WFDC11: variants seen among roughly 807,000 people sequenced by gnomAD.
The protein encoded by WFDC11 is WAP four-disulfide core domain 11, also known as protein WFDC11.
In WFDC11, 9 loss-of-function variants were observed where a neutral mutation model predicts 9.9. The observed-to-expected ratio is 0.91, with a 90% CI of 0.55 to 1.58. The LOEUF (loss-of-function observed/expected upper bound fraction) is 1.58, where lower values mean the gene tolerates loss of function less well. Ranked by LOEUF, WFDC11 falls within the 40% of genes most tolerant of loss-of-function variation. WFDC11 has a pLI of 0.00. For synonymous variants in WFDC11, 32 were observed against 33.3 expected, an observed-to-expected ratio of 0.96 and a Z score of 0.13; for missense variants, 106 against 101.7, an observed-to-expected ratio of 1.04 and a Z score of -0.18.
chr20:45,661,752 G>A (rs1255751185), intron 2 of WFDC11, among the ~76,000 whole-genome samples: 1 of 151,960 alleles, frequency 6.6e-6, no homozygotes, highest in Non-Finnish European at 1.5e-5. Flanking sequence ...ATTACTGAGG[G>A]CTCTGTTCTG....
intron 2 of WFDC11, among the ~76,000 whole-genome samples, chr20:45,659,000 A>G (rs1982996892): frequency 1.3e-5 from 2 of 152,082 alleles, no homozygotes; most frequent in Middle Eastern, 3.4e-3. Flanking sequence ...GCTGAGAATG[A>G]TGGTTTCCAG....
At chr20:45,670,079 C>A (rs1034146943) in intron 1 of WFDC11, 99 bp downstream of exon 1, 1 of 151,922 alleles carries the variant, frequency 6.6e-6, no homozygotes. Context: ...AATTGATAAC[C>A]TCTTGGAATC....
intron 2 of WFDC11, among the ~76,000 whole-genome samples, chr20:45,654,754 A>C (rs1378346367): frequency 5.3e-5 from 8 of 152,030 alleles, no homozygotes; most frequent in African/African-American, 1.4e-4. Context: ...GGGGATATCA[A>C]CACCGATCCC....
intron 2 of WFDC11, among the ~76,000 whole-genome samples, chr20:45,658,947 A>C (rs1982996041): frequency 7.0e-6 from 1 of 143,680 alleles, no homozygotes; most frequent in Non-Finnish European, 1.5e-5. Flanking sequence ...ACTTCCACTT[A>C]TGAGAACATG....
intron 2 of WFDC11, among the ~76,000 whole-genome samples, chr20:45,663,467 A>G (rs1455672651): frequency 6.6e-6 from 1 of 152,040 alleles, no homozygotes; most frequent in African/African-American, 2.4e-5. Context: ...GCCTTCTGCT[A>G]GCTTTTGAAT....
At chr20:45,657,493 T>G (rs1982960701) in intron 2 of WFDC11, among the ~76,000 whole-genome samples, 1 of 150,096 alleles carries the variant, frequency 6.7e-6, no homozygotes, top group African/African-American at 2.4e-5. Flanking sequence ...AAATGACGAG[T>G]TACTGGGTGC....
intron 2 of WFDC11, among the ~76,000 whole-genome samples, chr20:45,655,386 T>C (rs536498901): frequency 2.6e-5 from 4 of 152,320 alleles, no homozygotes; most frequent in African/African-American, 7.2e-5. Context: ...TCAACAACCC[T>C]TCATGCTAGA....
intron 2 of WFDC11, among the ~76,000 whole-genome samples, chr20:45,666,403 C>T (rs1983189383): frequency 6.6e-6 from 1 of 152,256 alleles, no homozygotes; most frequent in Non-Finnish European, 1.5e-5. Flanking sequence ...CCCCACCCTG[C>T]TTCCGCTCAC....
chr20:45,649,504 A>C, intron 3 of WFDC11, 105 bp from the exon 4 acceptor site: 1 of 1,400,954 alleles, frequency 7.1e-7, no homozygotes, highest in Non-Finnish European at 9.7e-7. Context: ...TCTGGGCCCC[A>C]AATTCCAACC....
intron 2 of WFDC11, among the ~76,000 whole-genome samples, chr20:45,657,716 T>C (rs948237500): frequency 1.3e-5 from 2 of 152,192 alleles, no homozygotes; most frequent in Non-Finnish European, 2.9e-5. Flanking sequence ...CCATGCTTAA[T>C]TTTTCTCTTT....
In WFDC11 at chr20:45,653,799, G is replaced by A. The variant is rs544932118; in HGVS notation, c.-51-3148C>T. ...TGCAATCCTAGTCTCTGATAAAACA[G>A]ACTTTAAACCAACAAAGATCAAAAG... On this transcript the variant is annotated intron_variant, in intron 2 of 4. Transcript: ENST00000324384. 1.9e-3 allele frequency among the ~76,000 whole-genome samples: 287 copies of A among 152,236 alleles called. 1 individual carries two copies. The highest frequency in any genetic ancestry group is 2.9e-3 in the Admixed American group (45 of 15,288).
intron 2 of WFDC11, among the ~76,000 whole-genome samples, chr20:45,656,728 A>G (rs1042598050): frequency 1.3e-5 from 2 of 152,226 alleles, no homozygotes; most frequent in African/African-American, 4.8e-5. Context: ...AAGAACTCAA[A>G]CAAATTTACA....
At position 45,657,766 on chromosome 20, in the gene WFDC11, T is replaced by A. The variant is rs1393073976; in HGVS notation, c.-51-7115A>T. 2.0e-5 allele frequency among the ~76,000 whole-genome samples: 3 copies of A among 152,206 alleles called. No individual in the cohort carries two copies. The East Asian group carries it at 5.8e-4, about 29-fold the overall frequency. The stretch of plus-strand genomic sequence containing the variant: ...TCAGTACAGTATTAAATACATTACA[T>A]GAGCTATTCAACACTTTATTATAAA... On this transcript the variant is annotated intron_variant, in intron 2 of 4. Coordinates refer to ENST00000324384, the MANE Select transcript of WFDC11 (RefSeq NM_147197.2).
At chr20:45,651,628 C>G (rs567394083) in intron 2 of WFDC11, among the ~76,000 whole-genome samples, 1 of 152,156 alleles carries the variant, frequency 6.6e-6, no homozygotes, top group South Asian at 2.1e-4. Context: ...TGAGCCAAAG[C>G]AGGGCAAGGC....
intron 2 of WFDC11, among the ~76,000 whole-genome samples, chr20:45,656,101 A>G (rs1164272772): frequency 6.6e-6 from 1 of 152,052 alleles, no homozygotes; most frequent in African/African-American, 2.4e-5. Context: ...TTCATATGGA[A>G]CCAAAAAAGA....
At chr20:45,657,042 A>C (rs1437814412) in intron 2 of WFDC11, among the ~76,000 whole-genome samples, 2 of 152,224 alleles carry the variant, frequency 1.3e-5, no homozygotes, top group Non-Finnish European at 2.9e-5. Context: ...TCAAGGATCT[A>C]GAACTAGAAA....
At chr20:45,649,957 T>G (rs1288534606) in intron 3 of WFDC11, among the ~76,000 whole-genome samples, 1 of 152,164 alleles carries the variant, frequency 6.6e-6, no homozygotes, top group East Asian at 1.9e-4. Context: ...TCTCATCATA[T>G]GACCCCCAAG....
rs768839207 is a variant in WFDC11 at position 45,648,680 on chromosome 20, C to T, written c.*39G>A. On this transcript the variant is annotated 3_prime_UTR_variant, in exon 5 of 5. Transcript: ENST00000324384. ...ACTATGAGACCTCTTAAACATTTCC[C>T]AGCCCACACAGGTGGCAGCCTGGTG... 32 of 1,613,492 alleles carry T rather than the reference C, an allele frequency of 2.0e-5. No homozygotes were observed. The highest frequency in any genetic ancestry group is 2.6e-5 in the Non-Finnish European group (31 of 1,179,606).
At chr20:45,656,080 CTACTT>C (rs1982924367) in intron 2 of WFDC11, among the ~76,000 whole-genome samples, 1 of 152,108 alleles carries the variant, frequency 6.6e-6, no homozygotes, top group Non-Finnish European at 1.5e-5. Context: ...TTGGGAAAAA[CTACTT>C]TAAAGTTCAT....
Sources: gnomAD v4.1 joint callset for allele counts (sites outside exome capture counted in the v4.1 genomes callset) on GRCh38, gnomAD v4.1.1 for gene constraint, MANE v1.5 for transcripts, NCBI Gene and HGNC (gene_info 2026-07-23, HGNC 2026-07-21) for gene names.